The following PACRG variants were observed in gnomAD, a reference collection of about 807,000 sequenced individuals.
PACRG encodes parkin coregulated, also known as parkin coregulated gene protein.
Under a neutral mutation model 29.7 loss-of-function variants are expected in PACRG, and 29 were observed. The ratio of observed to expected loss-of-function variants is 0.98; its 90% CI spans 0.73 to 1.33. The LOEUF (loss-of-function observed/expected upper bound fraction) is 1.33. PACRG is among the 40% of genes most tolerant of loss of function. The probability of loss-of-function intolerance (pLI) is 0.00; values close to 1 mark genes in which losing one functional copy is unlikely to be tolerated. For synonymous variants in PACRG, 116 were observed against 118.7 expected (o/e 0.98, Z 0.15); for missense variants, 279 against 316.2 (o/e 0.88, Z 0.89).
intron 2 of PACRG, among the ~76,000 whole-genome samples, chr6:163,002,873 C>T (rs1232688387): frequency 2.0e-5 from 3 of 152,146 alleles, no homozygotes; most frequent in African/African-American, 7.2e-5. Flanking sequence ...ACCCTGAGTC[C>T]TAAAGGCTGG....
intron 1 of PACRG, among the ~76,000 whole-genome samples, chr6:162,766,255 C>T (rs555123844): frequency 6.6e-6 from 1 of 152,134 alleles, no homozygotes; most frequent in African/African-American, 2.4e-5. Flanking sequence ...ATTCTACTCT[C>T]TAGTTCTATG....
At position 163,314,879 on chromosome 6, in the gene PACRG, G is replaced by A. The variant is rs371155766; in HGVS notation, c.666G>A (p.Gly222=). Residue 222 remains glycine, a synonymous_variant, in exon 5 of 5, where the codon GGG becomes GGA. Transcript: ENST00000366888. ...GCCAGCAGAAGAGGGAGAACATTGG[G>A]GACTTGATCCAGGAGACACTGGAGG... is the stretch of plus-strand genomic sequence containing the variant. ...DYSQQKRENI[G]DLIQETLEAF... is the part of the protein sequence containing the mutation. 66 of 1,614,148 alleles carry A rather than the reference G, an allele frequency of 4.1e-5. No homozygotes were observed. The highest frequency in any genetic ancestry group is 5.3e-5 in the Non-Finnish European group (62 of 1,180,032).
At chr6:163,108,605 T>C (rs1815532106) in intron 4 of PACRG, among the ~76,000 whole-genome samples, 1 of 151,764 alleles carries the variant, frequency 6.6e-6, no homozygotes, top group Non-Finnish European at 1.5e-5. Context: ...GCCATGTTGG[T>C]CTCGAACTCC....
chr6:163,251,378 C>T (rs1034640606), intron 4 of PACRG, among the ~76,000 whole-genome samples: 1 of 152,138 alleles, frequency 6.6e-6, no homozygotes, highest in Non-Finnish European at 1.5e-5. Context: ...CTTTGGAGGT[C>T]GTTGCACATT....
chr6:163,269,956 AAAGAAAGAAAGAAAGAAAG>A lies in PACRG; in HGVS notation c.614-44868_614-44850del, dbSNP rs1783743780. Among the ~76,000 whole-genome samples the A allele has an allele frequency of 2.3e-4, 16 of 68,888 alleles. 4 individuals are homozygous for A. The highest frequency in any genetic ancestry group is 1.2e-3 in the African/African-American group (15 of 12,730). 45.2% of individuals were successfully genotyped at this position (68,888 alleles called of 152,430 possible). On this transcript the variant is annotated intron_variant, in intron 4 of 4. Transcript: ENST00000366888. ...CAAAGAAAGAAAGAAAGAAAGAAAGAAAGAAAGAAAGAAAGAAAGAAAGAAAGAAAGAAAGAAAGAAAGA... is the reference window on the plus strand; with the variant it reads ...CAAAGAAAGAAAGAAAGAAAGAAAGAAAAGAAAGAAAGAAAGAAAGAAAGA...
At chr6:163,011,213 C>A (rs1805582960) in intron 2 of PACRG, among the ~76,000 whole-genome samples, 1 of 152,086 alleles carries the variant, frequency 6.6e-6, no homozygotes, top group South Asian at 2.1e-4. Flanking sequence ...ACTGGGATAC[C>A]CTCTAAGAAA....
chr6:163,089,166 T>C, intron 3 of PACRG, 93 bp from the exon 4 acceptor site: 2 of 1,363,520 alleles, frequency 1.5e-6, no homozygotes, highest in Non-Finnish European at 2.0e-6. Context: ...ACAGTTTAAT[T>C]AAATGCAACC....
rs1793431236 is a variant in PACRG, at chr6:162,877,192, C to T, written c.291+62911C>T. ...AAAGACTTGGAACCAACCCAACTGC[C>T]CATCAGCGATAGACTAGATAAAGAA... On this transcript the variant is annotated intron_variant, in intron 2 of 4. Transcript: ENST00000366888. 2.0e-5 allele frequency among the ~76,000 whole-genome samples: 3 copies of T among 152,260 alleles called. No individual in the cohort carries two copies. In the South Asian group the frequency reaches 6.2e-4, roughly 32 times the overall value.
chr6:163,224,059 C>G (rs1227455285), intron 4 of PACRG, among the ~76,000 whole-genome samples: 1 of 152,030 alleles, frequency 6.6e-6, no homozygotes, highest in Non-Finnish European at 1.5e-5. Context: ...ATAGCCAAAG[C>G]AACGTTGAGC....
At chr6:162,928,010 G>C (rs1797576351) in intron 2 of PACRG, among the ~76,000 whole-genome samples, 1 of 152,014 alleles carries the variant, frequency 6.6e-6, no homozygotes, top group South Asian at 2.1e-4. Flanking sequence ...TCTTTGTCTG[G>C]TTTTGGTATG....
intron 2 of PACRG, among the ~76,000 whole-genome samples, chr6:162,861,358 C>G (rs1315042610): frequency 1.3e-5 from 2 of 151,910 alleles, no homozygotes; most frequent in Non-Finnish European, 2.9e-5. Context: ...TTTAAGATTG[C>G]CAATTTTCTA....
chr6:163,291,454 C>T (rs1180015239), intron 4 of PACRG, among the ~76,000 whole-genome samples: 2 of 151,532 alleles, frequency 1.3e-5, no homozygotes, highest in Non-Finnish European at 1.5e-5. Flanking sequence ...GACCCCTCTG[C>T]CCGCCCGAGC....
At chr6:163,073,513 T>C (rs1166742088) in intron 3 of PACRG, among the ~76,000 whole-genome samples, 1 of 152,182 alleles carries the variant, frequency 6.6e-6, no homozygotes, top group Non-Finnish European at 1.5e-5. Context: ...CTCCAGGACA[T>C]TGGTCTGGGC....
intron 2 of PACRG, among the ~76,000 whole-genome samples, chr6:162,998,134 A>G (rs981329862): frequency 6.6e-6 from 1 of 152,230 alleles, no homozygotes; most frequent in East Asian, 1.9e-4. Flanking sequence ...AGTGCGTCAT[A>G]ATAGGGGCAG....
At chr6:163,200,940 C>T (rs1562960572) in intron 4 of PACRG, among the ~76,000 whole-genome samples, 1 of 151,688 alleles carries the variant, frequency 6.6e-6, no homozygotes, top group African/African-American at 2.4e-5. Context: ...CGGATCAGGC[C>T]CCAGGCCCCA....
At chr6:163,285,131 C>G (rs934728280) in intron 4 of PACRG, among the ~76,000 whole-genome samples, 1 of 152,054 alleles carries the variant, frequency 6.6e-6, no homozygotes, top group Non-Finnish European at 1.5e-5. Context: ...ACCTCAGGGC[C>G]AGCATCACCT....
At chr6:162,741,666 G>A (rs984030262) in intron 1 of PACRG, among the ~76,000 whole-genome samples, 1 of 152,104 alleles carries the variant, frequency 6.6e-6, no homozygotes, top group South Asian at 2.1e-4. Flanking sequence ...TAATTTTGGG[G>A]AACACAAACA....
intron 1 of PACRG, among the ~76,000 whole-genome samples, chr6:162,800,031 T>G (rs1332579088): frequency 6.6e-6 from 1 of 152,204 alleles, no homozygotes; most frequent in African/African-American, 2.4e-5. Context: ...GACAGTGTAT[T>G]AGCTAAGCTG....
intron 2 of PACRG, among the ~76,000 whole-genome samples, chr6:162,890,467 C>G (rs1794674432): frequency 6.6e-6 from 1 of 152,116 alleles, no homozygotes; most frequent in Non-Finnish European, 1.5e-5. Flanking sequence ...CAGCATTTAC[C>G]TACTCTTATG....
Sources: gnomAD v4.1 joint callset for allele counts (sites outside exome capture counted in the v4.1 genomes callset) on GRCh38, gnomAD v4.1.1 for gene constraint, MANE v1.5 for transcripts, NCBI Gene and HGNC (gene_info 2026-07-23, HGNC 2026-07-21) for gene names.